Variants in GOLGA4 observed in about 807,000 individuals in gnomAD.
The protein encoded by GOLGA4 is golgin A4, also known as golgin subfamily A member 4.
A neutral mutation model predicts 265.9 loss-of-function variants in GOLGA4; 169 were observed. The observed-to-expected ratio is 0.64, with a 90% CI of 0.56 to 0.72. GOLGA4 has a LOEUF of 0.72. Among genes scored for constraint, GOLGA4 ranks in the 30% least tolerant of loss-of-function variants. GOLGA4 has a pLI of 0.00. For missense variants in GOLGA4, 2,482 were observed against 2,483.4 expected (o/e 1.00, Z 0.01); for synonymous variants, 923 against 855.8 (o/e 1.08, Z -1.37).
At chr3:37,332,203 A>G (rs956813987) in intron 16 of GOLGA4, among the ~76,000 whole-genome samples, 3 of 152,246 alleles carry the variant, frequency 2.0e-5, no homozygotes, top group African/African-American at 4.8e-5. Context: ...TGTTCCAGCC[A>G]AACTCAACCA....
Position 37,324,901 on chromosome 3 carries a change from A to T in GOLGA4, c.3015A>T (p.Glu1005Asp), listed in dbSNP as rs765086822. 1 of 1,604,052 alleles carries T rather than the reference A, an allele frequency of 6.2e-7. No homozygotes were observed. Among genetic ancestry groups the T allele is most frequent in the South Asian group, 1.1e-5 (1 of 88,780 alleles). ...AACAGTTTAATGCCAAAATGCTGGA[A>T]ATGGCACAGGCTAACTCAGCTGGAA... ...KEKQFNAKML[E>D]MAQANSAGIS... The change falls in exon 14 of 24, where the codon GAA (glutamate) becomes GAT (aspartate). Residue 1005 changes from glutamate (E) to aspartate (D), a missense_variant. Glu to Asp is a conservative substitution (Grantham distance 45, BLOSUM62 2). Around this residue, in one of 3 missense-constraint regions of GOLGA4, gnomAD observed 1,536 missense variants for 1,483.7 expected, o/e 1.04. Transcript: ENST00000361924.
At chr3:37,281,835 T>TA (rs1292696293) in intron 2 of GOLGA4, 123 bp from the exon 3 acceptor site, 6 of 751,760 alleles carry the variant, frequency 8.0e-6, no homozygotes, top group Non-Finnish European at 1.4e-5. Flanking sequence ...ATGTATTATG[T>TA]AAAATGTCAG....
rs1475367636 is a variant in GOLGA4, at chr3:37,326,784, G to A, written c.4898G>A (p.Ser1633Asn). ...KALEDRLESESAAKLAELKRK... is the reference protein window; with the variant it reads ...KALEDRLESENAAKLAELKRK... ...TTGGAAGATAGGCTTGAGTCAGAAA[G>A]TGCTGCAAAATTAGCAGAGTTGAAG... Residue 1633 changes from serine to asparagine, a missense_variant, in exon 14 of 24, where the codon AGT becomes AAT. Physicochemically the swap from Ser to Asn is conservative, Grantham distance 46 (BLOSUM62 1). Around this residue, in one of 3 missense-constraint regions of GOLGA4, gnomAD observed 942 missense variants for 983.1 expected, o/e 0.96. Transcript: ENST00000361924. 9.3e-6 allele frequency: 15 copies of A among 1,613,702 alleles called. No homozygotes were observed. Among genetic ancestry groups the A allele is most frequent in the African/African-American group, 1.3e-5 (1 of 74,922 alleles).
At chr3:37,273,667 A>G in intron 2 of GOLGA4, 1 of 805,786 alleles carries the variant, frequency 1.2e-6, no homozygotes, top group Non-Finnish European at 2.1e-6. Context: ...GTCTGTGTTA[A>G]TTATTAGCAT....
At chr3:37,286,418 G>T (rs902894341) in intron 4 of GOLGA4, among the ~76,000 whole-genome samples, 2 of 152,076 alleles carry the variant, frequency 1.3e-5, no homozygotes, top group Admixed American at 1.3e-4. Flanking sequence ...CTCCCAAAGT[G>T]CTGGGATTAC....
intron 2 of GOLGA4, chr3:37,266,770 C>G: frequency 6.1e-6 from 4 of 656,126 alleles, no homozygotes; most frequent in Non-Finnish European, 9.5e-6. Flanking sequence ...CACTTTGCAA[C>G]ATGCCATTAT....
intron 16 of GOLGA4, among the ~76,000 whole-genome samples, chr3:37,333,961 G>A (rs561035374): frequency 2.6e-5 from 4 of 152,194 alleles, no homozygotes; most frequent in Non-Finnish European, 5.9e-5. Flanking sequence ...TTTTTGGTAA[G>A]TCAATGTCTA....
chr3:37,276,312 G>A, intron 2 of GOLGA4: 1 of 1,603,406 alleles, frequency 6.2e-7, no homozygotes, highest in East Asian at 2.2e-5. Context: ...CCAAATTTAA[G>A]GAAAAATGTC....
chr3:37,325,605 G>A lies in GOLGA4; in HGVS notation c.3719G>A (p.Ser1240Asn). 6.2e-7 allele frequency: 1 copy of A among 1,610,602 alleles called. No homozygotes were observed. The highest frequency in any genetic ancestry group is 1.3e-5 in the African/African-American group (1 of 74,984). Reference sequence around the variant, plus strand: ...ACAAATGAGCTAATCAACATTAGTAGTAGTAAAACTAATGCCATTCTTTCT... The same window carrying A: ...ACAAATGAGCTAATCAACATTAGTAATAGTAAAACTAATGCCATTCTTTCT... ...AKTNELINIS[S>N]SKTNAILSRI... Residue 1240 changes from serine (S) to asparagine (N), a missense_variant, in exon 14 of 24, where the codon AGT (serine) becomes AAT (asparagine). Ser to Asn is a conservative substitution (Grantham distance 46). This residue lies in a region of GOLGA4 where 1,536 missense variants were observed against 1,483.7 expected (regional missense o/e 1.04). Coordinates refer to ENST00000361924, the MANE Select transcript of GOLGA4 (RefSeq NM_002078.5).
At chr3:37,301,270 T>C (rs1356081971) in intron 9 of GOLGA4, among the ~76,000 whole-genome samples, 3 of 152,204 alleles carry the variant, frequency 2.0e-5, no homozygotes, top group African/African-American at 7.2e-5. Context: ...CCTCCATTTC[T>C]AGTGTAGATT....
chr3:37,332,669 C>A (rs2096994776), intron 16 of GOLGA4, among the ~76,000 whole-genome samples: 1 of 152,012 alleles, frequency 6.6e-6, no homozygotes, highest in South Asian at 2.1e-4. Context: ...CCCATTCCTC[C>A]TGTGTTCTGT....
intron 3 of GOLGA4, 36 bp from the exon 4 acceptor site, chr3:37,285,978 T>C: frequency 7.9e-7 from 1 of 1,261,210 alleles, no homozygotes; most frequent in Non-Finnish European, 1.1e-6. Flanking sequence ...TGCATTTATT[T>C]AGGAATGACT....
chr3:37,310,229 G>A lies in GOLGA4; in HGVS notation c.1235-5191G>A, dbSNP rs560545787. The stretch of plus-strand genomic sequence containing the variant: ...ACCATATAGTGAAGTGTTCTCTGGG[G>A]CAGTGTAACAAAATAGTAATGCTGC... On this transcript the variant is annotated intron_variant, in intron 10 of 23. Transcript: ENST00000361924. 3.3e-5 allele frequency among the ~76,000 whole-genome samples: 5 copies of A among 152,186 alleles called. No homozygotes were observed. The South Asian group carries it at 8.3e-4, about 25-fold the overall frequency.
At chr3:37,281,888 T>A (rs2096835596) in intron 2 of GOLGA4, 70 bp from the exon 3 acceptor site, 1 of 994,320 alleles carries the variant, frequency 1.0e-6, no homozygotes, top group African/African-American at 1.6e-5. Flanking sequence ...AGATTATTGC[T>A]GGTGATGGGG....
chr3:37,315,453 CCCAAAA>C lies in GOLGA4; in HGVS notation c.1269_1274del (p.Gln424_Lys425del). 1 of 1,613,656 alleles carries C rather than the reference CCCAAAA, an allele frequency of 6.2e-7. No homozygotes were observed. Among genetic ancestry groups the C allele is most frequent in the Non-Finnish European group, 8.5e-7 (1 of 1,179,866 alleles). ...GAACTTGAAAAAGCTTTGAGTACAG[CCCAAAA>C]AACAGAGGAAGCACGGAGAAAACTG... On this transcript the variant is annotated inframe_deletion, in exon 11 of 24. Coordinates refer to ENST00000361924, the MANE Select transcript of GOLGA4 (RefSeq NM_002078.5).
At chr3:37,356,120 C>T (rs751229473) in intron 22 of GOLGA4, among the ~76,000 whole-genome samples, 2 of 152,136 alleles carry the variant, frequency 1.3e-5, no homozygotes, top group Non-Finnish European at 2.9e-5. Context: ...CTTGAGCCCA[C>T]ATCTCCTTCT....
chr3:37,295,689 A>G (rs2096876371), intron 6 of GOLGA4, among the ~76,000 whole-genome samples: 1 of 152,218 alleles, frequency 6.6e-6, no homozygotes, highest in Admixed American at 6.5e-5. Context: ...CTCTGTTTTA[A>G]ATAAAGTACA....
At chr3:37,305,265 T>TTA (rs2096903081) in intron 10 of GOLGA4, among the ~76,000 whole-genome samples, 1 of 152,212 alleles carries the variant, frequency 6.6e-6, no homozygotes, top group Admixed American at 6.5e-5. Flanking sequence ...AGTCTTTAGA[T>TTA]AACAAAGTTG....
chr3:37,258,162 GCT>G lies in GOLGA4; in HGVS notation c.162+6679_162+6680del, dbSNP rs1491588959. On this transcript the variant is annotated intron_variant, in intron 2 of 23. Coordinates refer to ENST00000361924, the MANE Select transcript of GOLGA4 (RefSeq NM_002078.5). ...ATATATATATGTTCTGTATATGTAT[GCT>G]ATATATATAGCATATATATGCTCTG... 4.3e-5 allele frequency among the ~76,000 whole-genome samples: 6 copies of G among 140,248 alleles called. No homozygotes were observed. The East Asian group carries it at 8.2e-4, about 19-fold the overall frequency. 92.0% of individuals were successfully genotyped at this position (140,248 alleles called of 152,430 possible).
Sources: gnomAD v4.1 joint callset for allele counts (sites outside exome capture counted in the v4.1 genomes callset) on GRCh38, gnomAD v4.1.1 for gene constraint, gnomAD v4.1.1 regional missense constraint, MANE v1.5 for transcripts, NCBI Gene and HGNC (gene_info 2026-07-23, HGNC 2026-07-21) for gene names.